CUX1: variants seen among roughly 807,000 people sequenced by gnomAD.
CUX1 encodes protein CASP.
CUX1 carries 31 observed loss-of-function variants against 158.8 expected under a neutral mutation model. That is an observed-to-expected ratio of 0.20 (90% CI 0.15 to 0.26). The LOEUF is 0.26. Among genes scored for constraint, CUX1 ranks in the 10% least tolerant of loss-of-function variants. The pLI, the probability that CUX1 is intolerant of heterozygous loss-of-function variation, is 1.00. For missense variants in CUX1, 1,589 were observed against 2,014.6 expected (o/e 0.79, Z 4.04); for synonymous variants, 879 against 862.1 (o/e 1.02, Z -0.34).
rs73416041 is a variant in CUX1 at position 102,263,639 on chromosome 7, G to A, written c.1256-9727G>A. Among the ~76,000 whole-genome samples, 1,110 of 151,352 alleles carry A rather than the reference G, an allele frequency of 7.3e-3. 14 individuals are homozygous for A. Among genetic ancestry groups the A allele is most frequent in the African/African-American group, 0.026 (1,057 of 41,210 alleles). ...CCGAAAGGGGTTAAAGTTTTAAATCGGGTGGTCAGGGTAGGCCTCCCTAAG... is the reference window on the plus strand; with the variant it reads ...CCGAAAGGGGTTAAAGTTTTAAATCAGGTGGTCAGGGTAGGCCTCCCTAAG... On this transcript the variant is annotated intron_variant, in intron 14 of 22. Transcript: ENST00000292538.
intron 6 of CUX1, among the ~76,000 whole-genome samples, chr7:102,108,670 A>G (rs1830603875): frequency 6.6e-6 from 1 of 152,148 alleles, no homozygotes. Context: ...GGGATTAGCT[A>G]TATTAAAATA....
In CUX1 at chr7:102,201,223, G is replaced by C. The variant is rs1795398188; in HGVS notation, c.2063-137G>C. On this transcript the variant is annotated intron_variant, in intron 17 of 23. Coordinates refer to ENST00000292535, the MANE Select transcript of CUX1 (RefSeq NM_181552.4). This position sits in a 1 kb window ranked among gnomAD's most constrained non-coding sequence, Gnocchi z 5.0. ...AGATGCCTGAATGTTTCACTGACAG[G>C]GGCCATGCTGGGGAAATACACAGTG... 7.8e-7 allele frequency: 1 copy of C among 1,285,822 alleles called. No individual in the cohort carries two copies. The highest frequency in any genetic ancestry group is 2.3e-5 in the East Asian group (1 of 42,992). The allele number at this position is 1,285,822 out of a possible 1,614,324, so 79.7% of individuals were successfully genotyped here.
chr7:102,135,451 T>C (rs1368993680), intron 8 of CUX1, among the ~76,000 whole-genome samples: 4 of 151,648 alleles, frequency 2.6e-5, no homozygotes, highest in African/African-American at 9.7e-5. Context: ...GAGGAGGACG[T>C]GGAGGAGGTG....
chr7:102,081,264 C>T (rs1194927358), intron 4 of CUX1, among the ~76,000 whole-genome samples: 4 of 148,410 alleles, frequency 2.7e-5, no homozygotes, highest in African/African-American at 7.3e-5. Flanking sequence ...TTTCCCCCCA[C>T]GTGCTCCCAA....
chr7:102,090,619 A>G (rs1554481949), intron 4 of CUX1, among the ~76,000 whole-genome samples: 1 of 150,688 alleles, frequency 6.6e-6, no homozygotes. Flanking sequence ...CGATCTCCTG[A>G]CCTCATGATC....
intron 3 of CUX1, among the ~76,000 whole-genome samples, chr7:102,034,065 A>G (rs533286805): frequency 9.2e-5 from 13 of 140,744 alleles, no homozygotes; most frequent in Non-Finnish European, 1.7e-4. Context: ...AGAATCGCTT[A>G]AACCCAGCAG....
intron 3 of CUX1, among the ~76,000 whole-genome samples, chr7:102,039,998 C>T (rs1283006995): frequency 2.0e-5 from 3 of 152,156 alleles, no homozygotes; most frequent in Non-Finnish European, 1.5e-5. Flanking sequence ...GCATGCAGGA[C>T]GTGCTCTCGG....
chr7:102,018,166 G>T (rs1182688507), intron 2 of CUX1, among the ~76,000 whole-genome samples: 1 of 152,070 alleles, frequency 6.6e-6, no homozygotes, highest in Non-Finnish European at 1.5e-5. Context: ...TCCCTATCTT[G>T]CCTAGACTGG....
chr7:102,115,375 A>G (rs1180090166), intron 8 of CUX1, 102 bp downstream of exon 8: 2 of 948,600 alleles, frequency 2.1e-6, no homozygotes, highest in East Asian at 2.5e-5. Context: ...GTGCTGCTGC[A>G]GGGACACAGT....
rs140169027 is a variant in CUX1, at chr7:102,239,483, G to A, written c.3786G>A (p.Ala1262=). 5.0e-6 allele frequency: 8 copies of A among 1,614,132 alleles called. No homozygotes were observed. The highest frequency in any genetic ancestry group is 1.6e-4 in the Middle Eastern group (1 of 6,062). The change falls in exon 23 of 24, where the codon GCG becomes GCA. Residue 1262 remains alanine, a synonymous_variant. Transcript: ENST00000292535. ...APEEKEALKR[A]YQQKPYPSPK... ...AGGAGAAGGAGGCGCTGAAACGAGC[G>A]TATCAGCAAAAGCCATACCCGTCAC...
intron 4 of CUX1, among the ~76,000 whole-genome samples, chr7:102,081,590 T>A (rs1269365238): frequency 1.4e-5 from 2 of 147,166 alleles, no homozygotes; most frequent in African/African-American, 4.9e-5. Flanking sequence ...GGAACTGTGA[T>A]TCCATTAAAC....
intron 2 of CUX1, among the ~76,000 whole-genome samples, chr7:102,027,730 C>T (rs1306526722): frequency 2.6e-5 from 4 of 152,078 alleles, no homozygotes; most frequent in Non-Finnish European, 4.4e-5. Flanking sequence ...GGCATGGTGG[C>T]GTACGCCTGT....
chr7:102,119,793 C>T (rs1328158891), intron 8 of CUX1, among the ~76,000 whole-genome samples: 5 of 152,062 alleles, frequency 3.3e-5, no homozygotes, highest in African/African-American at 1.2e-4. Flanking sequence ...GTGATCCTCC[C>T]GTCTTAGCCT....
chr7:101,932,764 CA>C, intron 2 of CUX1: 1 of 378,078 alleles, frequency 2.6e-6, no homozygotes, highest in Non-Finnish European at 5.3e-6. Context: ...AATACTGTTT[CA>C]CTTAACAGTG....
At chr7:102,277,028 C>T (rs1305698447) in intron 17 of CUX1, among the ~76,000 whole-genome samples, 1 of 152,120 alleles carries the variant, frequency 6.6e-6, no homozygotes, top group East Asian at 1.9e-4. Context: ...GACCAGGCAT[C>T]GTGGCTCATG....
At chr7:102,182,811 C>T (rs529447647) in intron 11 of CUX1, among the ~76,000 whole-genome samples, 1 of 152,138 alleles carries the variant, frequency 6.6e-6, no homozygotes, top group Non-Finnish European at 1.5e-5. Flanking sequence ...ACTGTACTTG[C>T]TACAGCACAG....
intron 9 of CUX1, among the ~76,000 whole-genome samples, chr7:102,162,507 G>C (rs183107668): frequency 3.3e-5 from 5 of 152,024 alleles, no homozygotes; most frequent in African/African-American, 1.2e-4. Context: ...CCCATCCTGG[G>C]TTCAAGCGAT....
Position 102,197,100 on chromosome 7 carries a change from G to A in CUX1, c.1689G>A (p.Gln563=). 1 of 1,614,254 alleles carries A rather than the reference G, an allele frequency of 6.2e-7. No homozygotes were observed. The highest frequency in any genetic ancestry group is 8.5e-7 in the Non-Finnish European group (1 of 1,180,046). Residue 563 remains glutamine (Q), a synonymous_variant, in exon 15 of 24, where the codon CAG becomes CAA. Transcript: ENST00000292535. ...TAEIARQVKE[Q]LIKHNIGQRI... ...AAATCGCCCGGCAGGTCAAAGAGCA[G>A]CTGATTAAGCACAATATCGGACAAC...
At position 102,202,111 on chromosome 7, in the gene CUX1, C is replaced by T. The variant is rs782447640; in HGVS notation, c.2814C>T (p.Tyr938=). The T allele has an allele frequency of 2.5e-6, 4 of 1,614,174 alleles. No homozygotes were observed. In the South Asian group the frequency reaches 4.4e-5, roughly 18 times the overall value. Residue 938 remains tyrosine, a synonymous_variant, in exon 18 of 24, where the codon TAC becomes TAT. Transcript: ENST00000292535. ...TGACCCCCGAGCAGTACGAGGTCTA[C>T]ATGTACCAGGAGGTGGACACCATCG... The part of the protein sequence containing the change: ...PPLTPEQYEV[Y]MYQEVDTIEL...
Sources: gnomAD v4.1 joint callset for allele counts (sites outside exome capture counted in the v4.1 genomes callset) on GRCh38, gnomAD v4.1.1 for gene constraint, Gnocchi (gnomAD v3.1) non-coding constraint, MANE v1.5 for transcripts, NCBI Gene and HGNC (gene_info 2026-07-23, HGNC 2026-07-21) for gene names.